NFATC1: variants seen among roughly 807,000 people sequenced by gnomAD.
The protein encoded by NFATC1 is nuclear factor of activated T-cells, cytoplasmic 1.
Under a neutral mutation model 76.0 loss-of-function variants are expected in NFATC1, and 22 were observed. The observed-to-expected ratio is 0.29, with a 90% CI of 0.21 to 0.41. The LOEUF (loss-of-function observed/expected upper bound fraction) is 0.41. Ranked by LOEUF, NFATC1 falls within the 10% of genes least tolerant of loss-of-function variation. NFATC1 has a pLI of 1.00. For synonymous variants in NFATC1, 704 were observed against 613.1 expected, an observed-to-expected ratio of 1.15 and a Z score of -2.19; for missense variants, 1,357 against 1,337.7, an observed-to-expected ratio of 1.01 and a Z score of -0.23.
chr18:79,408,350 G>T (rs1165988858), intron 1 of NFATC1, among the ~76,000 whole-genome samples: 1 of 152,194 alleles, frequency 6.6e-6, no homozygotes, highest in Admixed American at 6.5e-5. Flanking sequence ...CCCACCTCTA[G>T]GCATGTAATC....
At chr18:79,444,704 C>T (rs762521883) in intron 3 of NFATC1, among the ~76,000 whole-genome samples, 26 of 151,990 alleles carry the variant, frequency 1.7e-4, no homozygotes, top group Admixed American at 9.2e-4. Context: ...CAGACCACAC[C>T]GGCACTGCAC....
chr18:79,403,520 T>C (rs2085335103), intron 1 of NFATC1, among the ~76,000 whole-genome samples: 1 of 152,224 alleles, frequency 6.6e-6, no homozygotes, highest in South Asian at 2.1e-4. Flanking sequence ...CGTGCCCTGC[T>C]TCCCGCCCCA....
In NFATC1 at chr18:79,475,093, G is replaced by A. The variant is rs867092619; in HGVS notation, c.2092+7511G>A. 1.2e-4 allele frequency among the ~76,000 whole-genome samples: 15 copies of A among 121,810 alleles called. 1 individual carries two copies. Among genetic ancestry groups the A allele is most frequent in the South Asian group, 5.3e-4 (2 of 3,746 alleles). 79.9% of individuals were successfully genotyped at this position (121,810 alleles called of 152,430 possible). A position where few individuals can be genotyped will look rare whatever the true frequency, so the allele number is the denominator to read the frequency against. ...AAGTGTGTTCTCACACTCACTCGAC[G>A]TGAGGGAAGCGTGTTCTCACGCTCA... On this transcript the variant is annotated intron_variant, in intron 8 of 9. Transcript: ENST00000427363.
chr18:79,445,798 G>A (rs1002091700), intron 3 of NFATC1, among the ~76,000 whole-genome samples: 1 of 152,168 alleles, frequency 6.6e-6, no homozygotes, highest in Non-Finnish European at 1.5e-5. Context: ...CTCAGACTAT[G>A]GGGTGGAGGG....
Position 79,454,518 on chromosome 18 carries a change from C to T in NFATC1, c.1903+2702C>T, listed in dbSNP as rs549026541. Among the ~76,000 whole-genome samples, 590 of 152,268 alleles carry T rather than the reference C, an allele frequency of 3.9e-3. 6 individuals are homozygous for T. The highest frequency in any genetic ancestry group is 0.012 in the African/African-American group (507 of 41,562). On this transcript the variant is annotated intron_variant, in intron 6 of 9. Transcript: ENST00000427363. ...CCGGCCGGGCAAGGGCATGGCTCGC[C>T]GTAGCCTGGGTGCCGGGTCCCTCTG...
intron 9 of NFATC1, among the ~76,000 whole-genome samples, chr18:79,513,553 G>C (rs1451510950): frequency 1.3e-5 from 2 of 152,280 alleles, no homozygotes; most frequent in Admixed American, 1.3e-4. Flanking sequence ...ACATCGTGGT[G>C]GTGAGGGACA....
chr18:79,509,982 T>C (rs2090204925), intron 9 of NFATC1, among the ~76,000 whole-genome samples: 1 of 152,272 alleles, frequency 6.6e-6, no homozygotes, highest in Admixed American at 6.5e-5. Flanking sequence ...CTCGTTGATC[T>C]TTGGTCCTTT....
At chr18:79,480,413 C>T (rs868820536) in intron 8 of NFATC1, among the ~76,000 whole-genome samples, 22 of 152,136 alleles carry the variant, frequency 1.4e-4, no homozygotes, top group African/African-American at 5.1e-4. Flanking sequence ...GTGGTGGATG[C>T]ATCAGTGCTG....
Position 79,444,579 on chromosome 18 carries a change from C to T in NFATC1, c.1387-4203C>T, listed in dbSNP as rs138865635. 6.3e-3 allele frequency among the ~76,000 whole-genome samples: 962 copies of T among 152,392 alleles called. 3 individuals are homozygous for T. The highest frequency in any genetic ancestry group is 0.01 in the Non-Finnish European group (690 of 68,044). On this transcript the variant is annotated intron_variant, in intron 3 of 9. Transcript: ENST00000427363. ...GGGCGTCCGGCAGATGAAGCTGCCC[C>T]TTAAAGCCAGGTCTGGGCCGGTTTA...
At chr18:79,401,463 G>A (rs2085253378) in intron 1 of NFATC1, among the ~76,000 whole-genome samples, 1 of 152,200 alleles carries the variant, frequency 6.6e-6, no homozygotes, top group African/African-American at 2.4e-5. Context: ...TCCCTGCCTG[G>A]GCCTGGGTTC....
chr18:79,459,196 G>A (rs1204086888), intron 6 of NFATC1, among the ~76,000 whole-genome samples: 3 of 152,266 alleles, frequency 2.0e-5, no homozygotes, highest in South Asian at 4.1e-4. Flanking sequence ...GGTGTGCGGT[G>A]GAGGCTGCTC....
chr18:79,524,486 G>C lies in NFATC1; in HGVS notation c.2783-3042G>C, dbSNP rs1216841062. ...GCGGGAAGGCCCTGGAGGGTGCCTG[G>C]GCTGTGTCTGGTCCCGGCCACGCGT... On this transcript the variant is annotated intron_variant, in intron 9 of 9. Coordinates refer to ENST00000427363, the MANE Select transcript of NFATC1 (RefSeq NM_001278669.2). The surrounding 1 kb of genome is among the most constrained non-coding windows in gnomAD (Gnocchi z 7.2). Among the ~76,000 whole-genome samples the C allele has an allele frequency of 6.6e-6, 1 of 152,202 alleles. No individual in the cohort carries two copies. Among genetic ancestry groups the C allele is most frequent in the East Asian group, 1.9e-4 (1 of 5,192 alleles).
chr18:79,514,130 A>G (rs1453177333), intron 9 of NFATC1, among the ~76,000 whole-genome samples: 2 of 152,046 alleles, frequency 1.3e-5, no homozygotes, highest in African/African-American at 4.8e-5. Flanking sequence ...TCTAGTTGTC[A>G]TTGCTGAGAT....
chr18:79,419,899 C>T (rs945175438), intron 2 of NFATC1, among the ~76,000 whole-genome samples: 1 of 152,218 alleles, frequency 6.6e-6, no homozygotes, highest in Non-Finnish European at 1.5e-5. Context: ...ATCTTAAGTG[C>T]AAATTAACGT....
intron 8 of NFATC1, among the ~76,000 whole-genome samples, chr18:79,477,230 G>A (rs188466317): frequency 3.9e-5 from 6 of 152,332 alleles, no homozygotes; most frequent in Admixed American, 3.9e-4. Flanking sequence ...GGACTTTCTT[G>A]TCATACAGCA....
intron 2 of NFATC1, among the ~76,000 whole-genome samples, chr18:79,428,388 G>A (rs1055929981): frequency 6.6e-6 from 1 of 152,194 alleles, no homozygotes; most frequent in Non-Finnish European, 1.5e-5. Context: ...CATTGGCAAA[G>A]ACCAAGCGCA....
Position 79,527,586 on chromosome 18 carries a change from T to C in NFATC1, c.*9T>C. 6.2e-7 allele frequency: 1 copy of C among 1,613,546 alleles called. No individual in the cohort carries two copies. The highest frequency in any genetic ancestry group is 8.5e-7 in the Non-Finnish European group (1 of 1,179,546). ...CGAGCACCCACTCCTAGTTGCCACA[T>C]TGGAGCACTCAGTTCAGCAGGGGTA... On this transcript the variant is annotated 3_prime_UTR_variant, in exon 10 of 10. Transcript: ENST00000427363.
intron 9 of NFATC1, among the ~76,000 whole-genome samples, chr18:79,526,338 G>A (rs1023427851): frequency 6.6e-5 from 10 of 152,268 alleles, no homozygotes; most frequent in South Asian, 4.1e-4. Flanking sequence ...CTGGCTCTGC[G>A]TCCTGTGGCT....
At chr18:79,441,665 G>C (rs533085551) in intron 3 of NFATC1, among the ~76,000 whole-genome samples, 1 of 152,256 alleles carries the variant, frequency 6.6e-6, no homozygotes, top group African/African-American at 2.4e-5. Flanking sequence ...AAGCGCTCCT[G>C]CCGCTTGGTG....
Sources: allele counts gnomAD v4.1 joint callset (sites outside exome capture counted in the v4.1 genomes callset), GRCh38; gene constraint gnomAD v4.1.1; non-coding constraint Gnocchi (gnomAD v3.1); transcripts MANE v1.5; gene names NCBI Gene and HGNC (gene_info 2026-07-23, HGNC 2026-07-21).